The following SLC12A7 variants were observed in gnomAD, a reference collection of about 807,000 sequenced individuals.
The protein encoded by SLC12A7 is solute carrier family 12 member 7.
In SLC12A7, 100 loss-of-function variants were observed where a neutral mutation model predicts 120.6. That is an observed-to-expected ratio of 0.83 (90% CI 0.71 to 0.98). The LOEUF (loss-of-function observed/expected upper bound fraction) is 0.98. Ranked by LOEUF, SLC12A7 falls within the 50% of genes least tolerant of loss-of-function variation. The pLI, the probability that SLC12A7 is intolerant of heterozygous loss-of-function variation, is 0.00. For synonymous variants in SLC12A7, 760 were observed against 678.0 expected (o/e 1.12, Z -1.88); for missense variants, 1,373 against 1,548.1 (o/e 0.89, Z 1.90).
intron 1 of SLC12A7, among the ~76,000 whole-genome samples, chr5:1,108,359 T>A (rs1402617513): frequency 6.6e-6 from 1 of 152,172 alleles, no homozygotes; most frequent in Non-Finnish European, 1.5e-5. Flanking sequence ...TTTCCTTTGG[T>A]TTTAAAAAGG....
At chr5:1,129,187 C>A in the SLC12A7 span, among the ~76,000 whole-genome samples, 1 of 152,216 alleles carries the variant, frequency 6.6e-6, no homozygotes, top group South Asian at 2.1e-4. Flanking sequence ...CACGAGGACA[C>A]CCCTCCAAGA....
Position 1,064,146 on chromosome 5 carries a change from C to G in SLC12A7, c.2544G>C (p.Val848=), listed in dbSNP as rs762554473. Residue 848 remains valine (V), a synonymous_variant, in exon 19 of 24, where the codon GTG becomes GTC. Coordinates refer to ENST00000264930, the MANE Select transcript of SLC12A7 (RefSeq NM_006598.3). ...QERFGGGHID[V]WWIVHDGGML... ...TGCCGCCGTCGTGCACGATCCACCA[C>G]ACGTCGATGTGGCCCCCGCCGAAGC... The G allele has an allele frequency of 6.2e-6, 10 of 1,612,002 alleles. No homozygotes were observed. Among genetic ancestry groups the G allele is most frequent in the Middle Eastern group, 1.6e-4 (1 of 6,082 alleles).
intron 22 of SLC12A7, among the ~76,000 whole-genome samples, chr5:1,054,554 C>T (rs1296771878): frequency 6.6e-6 from 1 of 152,238 alleles, no homozygotes; most frequent in South Asian, 2.1e-4. Flanking sequence ...AAACCCGGCC[C>T]GTGTGTGGAC....
rs756911884 is a variant in SLC12A7 at position 1,088,301 on chromosome 5, C to A, written c.544+5G>T. The A allele has an allele frequency of 1.9e-6, 3 of 1,584,080 alleles. No homozygotes were observed. Among genetic ancestry groups the A allele is most frequent in the East Asian group, 2.3e-5 (1 of 43,964 alleles). On this transcript the variant is annotated splice_donor_5th_base_variant and intron_variant, in intron 5 of 23. Transcript: ENST00000264930. ...TCAGGGCCGCGGCTGGCGGGCACCC[C>A]TTACCTGGGACCACACCGTTGGTAG...
upstream of SLC12A7, among the ~76,000 whole-genome samples, chr5:1,115,512 G>C (rs995022475): frequency 1.3e-5 from 2 of 152,186 alleles, no homozygotes; most frequent in Non-Finnish European, 1.5e-5. Context: ...CTGTTAGGGT[G>C]GGGGGCTCAT....
At chr5:1,062,680 GCTGGGGGGCTGGGGGACTGAGGGA>G (rs67263312) in intron 20 of SLC12A7, among the ~76,000 whole-genome samples, 122,845 of 149,736 alleles carry the variant, frequency 0.82, 52,853 homozygotes, top group East Asian at 0.96. Context: ...GGGCTGGGGG[GCTGGGGGGCTGGGGGACTGAGGGA>G]CTGGGGGACT....
intron 9 of SLC12A7, 134 bp from the exon 10 acceptor site, chr5:1,079,630 A>C (rs1368413479): frequency 4.2e-6 from 3 of 713,366 alleles, no homozygotes; most frequent in East Asian, 5.1e-5. Context: ...GCTGCAGTCC[A>C]AGCTCCGCCA....
intron 17 of SLC12A7, among the ~76,000 whole-genome samples, chr5:1,069,763 A>T (rs1260666590): frequency 6.6e-6 from 1 of 152,206 alleles, no homozygotes; most frequent in Non-Finnish European, 1.5e-5. Flanking sequence ...ACAGGCTTTC[A>T]TCGTGTCATC....
the SLC12A7 span, among the ~76,000 whole-genome samples, chr5:1,144,484 G>T: frequency 6.6e-6 from 1 of 152,232 alleles, no homozygotes; most frequent in African/African-American, 2.4e-5. Flanking sequence ...ATGACAATTT[G>T]GGGGCAGGAA....
chr5:1,139,397 G>A, the SLC12A7 span, among the ~76,000 whole-genome samples: 3 of 152,254 alleles, frequency 2.0e-5, no homozygotes, highest in Non-Finnish European at 2.9e-5. Flanking sequence ...ACATCCTCAC[G>A]AGGGCCCTGG....
intron 1 of SLC12A7, among the ~76,000 whole-genome samples, chr5:1,106,470 A>C (rs535007414): frequency 6.6e-6 from 1 of 151,878 alleles, no homozygotes; most frequent in African/African-American, 2.4e-5. Context: ...AAAAAAAAAA[A>C]AAAAGAAAAT....
At chr5:1,148,237 C>T in the SLC12A7 span, among the ~76,000 whole-genome samples, 12 of 121,360 alleles carry the variant, frequency 9.9e-5, no homozygotes, top group Non-Finnish European at 1.1e-4. Flanking sequence ...GATGGCGTCT[C>T]GCTCTGTCAC....
the SLC12A7 span, among the ~76,000 whole-genome samples, chr5:1,150,169 G>C: frequency 6.6e-6 from 1 of 152,184 alleles, no homozygotes; most frequent in Non-Finnish European, 1.5e-5. Flanking sequence ...CCCCTCATCA[G>C]CTCTATGATT....
At chr5:1,129,355 C>G in the SLC12A7 span, among the ~76,000 whole-genome samples, 15,124 of 152,248 alleles carry the variant, frequency 0.099, 904 homozygotes, top group South Asian at 0.21. Context: ...TCTCACAGAG[C>G]CTTAGCAGCC....
rs1416381315 is a variant in SLC12A7 at position 1,050,741 on chromosome 5, T to TTAAC, written c.*1615_*1618dup. The TTAAC allele has an allele frequency of 5.0e-6, 2 of 397,508 alleles. No individual in the cohort carries two copies. Among genetic ancestry groups the TTAAC allele is most frequent in the Admixed American group, 4.4e-5 (1 of 22,720 alleles). 24.6% of individuals were successfully genotyped at this position (397,508 alleles called of 1,614,324 possible). A position where few individuals can be genotyped will look rare whatever the true frequency, so the allele number is the denominator to read the frequency against. On this transcript the variant is annotated 3_prime_UTR_variant, in exon 24 of 24. Transcript: ENST00000264930. ...CAGACATGGAGGAGCGTTTTGCTGC[T>TTAAC]TAACTCATGCTTAGCCAAGGCAGGC...
At chr5:1,144,126 C>T in the SLC12A7 span, among the ~76,000 whole-genome samples, 1 of 152,046 alleles carries the variant, frequency 6.6e-6, no homozygotes, top group Admixed American at 6.5e-5. Flanking sequence ...CTGGACGCAC[C>T]CACCACCCTC....
intron 1 of SLC12A7, among the ~76,000 whole-genome samples, chr5:1,103,476 C>T (rs1380175607): frequency 6.6e-6 from 1 of 152,198 alleles, no homozygotes; most frequent in Non-Finnish European, 1.5e-5. Context: ...CAGACAGGCA[C>T]TTCCACGTGC....
At chr5:1,131,001 C>A in the SLC12A7 span, among the ~76,000 whole-genome samples, 2 of 151,984 alleles carry the variant, frequency 1.3e-5, no homozygotes, top group African/African-American at 4.8e-5. Flanking sequence ...AGATGGGGTC[C>A]CAGGACACAG....
At chr5:1,154,927 T>A in the SLC12A7 span, among the ~76,000 whole-genome samples, 540 of 152,302 alleles carry the variant, frequency 3.5e-3, 4 homozygotes, top group African/African-American at 0.013. Flanking sequence ...CAGGGACATC[T>A]GTCCTCGGGG....
Sources: allele counts gnomAD v4.1 joint callset (sites outside exome capture counted in the v4.1 genomes callset), GRCh38; gene constraint gnomAD v4.1.1; transcripts MANE v1.5; gene names NCBI Gene and HGNC (gene_info 2026-07-23, HGNC 2026-07-21).